The following WWOX variants were observed in gnomAD, a reference collection of about 807,000 sequenced individuals.
WWOX encodes WW domain containing oxidoreductase.
Under a neutral mutation model 46.2 loss-of-function variants are expected in WWOX, and 69 were observed. That is an observed-to-expected ratio of 1.49 (90% CI 1.23 to 1.82). The LOEUF (loss-of-function observed/expected upper bound fraction) is 1.82. WWOX is among the 40% of genes most tolerant of loss of function. The pLI is 0.00. For missense variants in WWOX, 919 were observed against 542.6 expected (o/e 1.69, Z -6.89); for synonymous variants, 359 against 202.6 (o/e 1.77, Z -6.56).
In WWOX at chr16:79,189,681, A is replaced by G. The variant is rs151092061; in HGVS notation, c.1057-21927A>G. ...AGGGGTTTGAGGTTATCTTTTGACA[A>G]TAGATGTTAGCTAGGAGAGATAAGA... is the stretch of plus-strand genomic sequence containing the variant. On this transcript the variant is annotated intron_variant, in intron 8 of 8. Coordinates refer to ENST00000566780, the MANE Select transcript of WWOX (RefSeq NM_016373.4). 1.5e-4 allele frequency among the ~76,000 whole-genome samples: 23 copies of G among 151,996 alleles called. No homozygotes were observed. In the South Asian group the frequency reaches 4.2e-3, roughly 28 times the overall value.
chr16:78,887,093 TG>T (rs2044478954), intron 8 of WWOX, among the ~76,000 whole-genome samples: 1 of 42,718 alleles, frequency 2.3e-5, no homozygotes, highest in Non-Finnish European at 8.3e-5. Flanking sequence ...TGTGTGTGTG[TG>T]TGTGTGTGTG....
rs1428476029 is a variant in WWOX, at chr16:78,520,343, G to A, written c.1056+87591G>A. Among the ~76,000 whole-genome samples the A allele has an allele frequency of 9.9e-5, 15 of 152,284 alleles. No homozygotes were observed. The East Asian group carries it at 2.9e-3, about 29-fold the overall frequency. On this transcript the variant is annotated intron_variant, in intron 8 of 8. Transcript: ENST00000566780. The stretch of plus-strand genomic sequence containing the variant: ...GTACTTAAGGATACGCACATTAGAA[G>A]GAGTAATTTGACCAGCCCATCACAG...
chr16:78,312,267 G>T (rs138265867), intron 5 of WWOX, among the ~76,000 whole-genome samples: 1 of 152,042 alleles, frequency 6.6e-6, no homozygotes, highest in African/African-American at 2.4e-5. Flanking sequence ...ATTGAATTCA[G>T]CTTTACAGTA....
chr16:78,753,231 C>T lies in WWOX; in HGVS notation c.1056+320479C>T, dbSNP rs112713311. Among the ~76,000 whole-genome samples the T allele has an allele frequency of 3.5e-3, 538 of 151,912 alleles. 4 individuals carry two copies. Among genetic ancestry groups the T allele is most frequent in the African/African-American group, 0.012 (477 of 41,388 alleles). On this transcript the variant is annotated intron_variant, in intron 8 of 8. Coordinates refer to ENST00000566780, the MANE Select transcript of WWOX (RefSeq NM_016373.4). ...AGGATAATGGTGTGAATCCGGGAGGCGGAGCTTGCAGTGAGCCGAGATTAC... is the reference window on the plus strand; with the variant it reads ...AGGATAATGGTGTGAATCCGGGAGGTGGAGCTTGCAGTGAGCCGAGATTAC...
At chr16:78,836,270 C>T (rs951998842) in intron 8 of WWOX, among the ~76,000 whole-genome samples, 8 of 152,040 alleles carry the variant, frequency 5.3e-5, no homozygotes, top group Non-Finnish European at 5.9e-5. Flanking sequence ...GCAAGTTGTA[C>T]TGCTGTGGCC....
intron 8 of WWOX, among the ~76,000 whole-genome samples, chr16:78,841,280 C>T (rs983230252): frequency 6.6e-6 from 1 of 152,182 alleles, no homozygotes; most frequent in South Asian, 2.1e-4. Flanking sequence ...CAGCACTGCT[C>T]ATAATATTTG....
intron 8 of WWOX, chr16:78,825,723 A>G (rs527477719): frequency 3.5e-6 from 2 of 570,214 alleles, no homozygotes. Flanking sequence ...GGTCAAATCC[A>G]TGAGTTTGTG....
At chr16:78,889,771 G>T (rs10451160) in intron 8 of WWOX, among the ~76,000 whole-genome samples, 1 of 151,830 alleles carries the variant, frequency 6.6e-6, no homozygotes, top group Non-Finnish European at 1.5e-5. Flanking sequence ...GTTTTGTTCC[G>T]CCTCGATCAC....
At chr16:79,195,752 G>A (rs2051227401) in intron 8 of WWOX, among the ~76,000 whole-genome samples, 2 of 152,178 alleles carry the variant, frequency 1.3e-5, no homozygotes, top group Non-Finnish European at 1.5e-5. Flanking sequence ...AGTGTGTTTT[G>A]GGGAAACACT....
chr16:78,893,781 C>A (rs1375306978), intron 8 of WWOX, among the ~76,000 whole-genome samples: 1 of 152,122 alleles, frequency 6.6e-6, no homozygotes, highest in Non-Finnish European at 1.5e-5. Context: ...TCTTTCCCTG[C>A]CCCTCTCACC....
In WWOX at chr16:78,579,353, G is replaced by A. The variant is rs116159715; in HGVS notation, c.1056+146601G>A. 5.9e-3 allele frequency among the ~76,000 whole-genome samples: 899 copies of A among 152,248 alleles called. 11 individuals carry two copies. The highest frequency in any genetic ancestry group is 0.021 in the African/African-American group (877 of 41,538). On this transcript the variant is annotated intron_variant, in intron 8 of 8. Coordinates refer to ENST00000566780, the MANE Select transcript of WWOX (RefSeq NM_016373.4). ...AGAGTGAGACAGGGAGGCAGGGCAG[G>A]CTCCAAAGGCGAAGAGATGTCTGAG...
intron 8 of WWOX, among the ~76,000 whole-genome samples, chr16:78,713,530 A>G (rs2048492587): frequency 6.6e-6 from 1 of 152,162 alleles, no homozygotes; most frequent in South Asian, 2.1e-4. Flanking sequence ...TGGTTAAGTT[A>G]AAATGAGGTT....
intron 8 of WWOX, among the ~76,000 whole-genome samples, chr16:78,821,311 T>C (rs2051486388): frequency 1.3e-5 from 2 of 152,298 alleles, no homozygotes; most frequent in South Asian, 4.1e-4. Flanking sequence ...CAGCTAGTTA[T>C]GATGGAGGGT....
intron 6 of WWOX, among the ~76,000 whole-genome samples, chr16:78,420,979 C>T (rs1003454839): frequency 6.6e-6 from 1 of 151,980 alleles, no homozygotes; most frequent in Non-Finnish European, 1.5e-5. Context: ...AGTTTGGGAA[C>T]CTCTGGCTTA....
intron 8 of WWOX, among the ~76,000 whole-genome samples, chr16:79,023,095 A>G (rs2047567345): frequency 6.6e-6 from 1 of 152,148 alleles, no homozygotes. Context: ...AACAGCAATC[A>G]TGTTCAAGTC....
intron 5 of WWOX, among the ~76,000 whole-genome samples, chr16:78,181,236 G>A (rs1221489589): frequency 6.6e-6 from 1 of 152,008 alleles, no homozygotes; most frequent in African/African-American, 2.4e-5. Flanking sequence ...CCTGTCTAGC[G>A]GTGTTTTTAT....
At chr16:78,959,087 G>C (rs1242439594) in intron 8 of WWOX, among the ~76,000 whole-genome samples, 2 of 152,122 alleles carry the variant, frequency 1.3e-5, no homozygotes, top group Non-Finnish European at 2.9e-5. Flanking sequence ...TTTTTCTTGA[G>C]ATTAGTAAGA....
At chr16:79,090,232 T>G (rs2048930393) in intron 8 of WWOX, 1 of 152,148 alleles carries the variant, frequency 6.6e-6, no homozygotes, top group African/African-American at 2.4e-5. Flanking sequence ...AGGGTCGGGT[T>G]AAGATGCTAG....
At chr16:78,756,881 A>G (rs904275442) in intron 8 of WWOX, 9 of 702,694 alleles carry the variant, frequency 1.3e-5, no homozygotes, top group Admixed American at 1.2e-4. Context: ...GTGACTTACG[A>G]GGCTAGACCA....
Sources: gnomAD v4.1 joint callset for allele counts (sites outside exome capture counted in the v4.1 genomes callset) on GRCh38, gnomAD v4.1.1 for gene constraint, MANE v1.5 for transcripts, NCBI Gene and HGNC (gene_info 2026-07-23, HGNC 2026-07-21) for gene names.